GPM6A: variants seen among roughly 807,000 people sequenced by gnomAD.
GPM6A encodes neuronal membrane glycoprotein M6-a.
In GPM6A, 7 loss-of-function variants were observed where a neutral mutation model predicts 32.1. That is an observed-to-expected ratio of 0.22 (90% CI 0.12 to 0.41). The LOEUF (loss-of-function observed/expected upper bound fraction) is 0.41. GPM6A is among the 10% of genes least tolerant of loss of function. The pLI, the probability that GPM6A is intolerant of heterozygous loss-of-function variation, is 1.00. For missense variants in GPM6A, 235 were observed against 347.2 expected (o/e 0.68, Z 2.57); for synonymous variants, 130 against 123.4 (o/e 1.05, Z -0.35).
At chr4:175,963,068 C>T (rs950898810) in intron 1 of GPM6A, among the ~76,000 whole-genome samples, 3 of 148,178 alleles carry the variant, frequency 2.0e-5, no homozygotes, top group African/African-American at 7.5e-5. Context: ...TAGAGGCAAG[C>T]AAAAACTCAG....
At chr4:175,696,909 A>C (rs1348882244) in intron 2 of GPM6A, among the ~76,000 whole-genome samples, 1 of 152,174 alleles carries the variant, frequency 6.6e-6, no homozygotes, top group Non-Finnish European at 1.5e-5. Flanking sequence ...AGTTGAGAAC[A>C]AAATCTATAT....
At chr4:175,987,550 GTGTT>G (rs1354762106) in intron 1 of GPM6A, among the ~76,000 whole-genome samples, 151 of 151,904 alleles carry the variant, frequency 9.9e-4, no homozygotes, top group African/African-American at 3.5e-3. Context: ...GTGTGTGTGT[GTGTT>G]TGTCTTTATA....
At chr4:175,964,636 G>T (rs1740277231) in intron 1 of GPM6A, among the ~76,000 whole-genome samples, 1 of 152,064 alleles carries the variant, frequency 6.6e-6, no homozygotes. Flanking sequence ...AGTCATATTG[G>T]ATTAGGGCCA....
intron 3 of GPM6A, among the ~76,000 whole-genome samples, chr4:175,661,020 C>G (rs1186697995): frequency 6.6e-6 from 1 of 152,096 alleles, no homozygotes; most frequent in East Asian, 1.9e-4. Context: ...GATTTACATG[C>G]AAACCCTGAA....
intron 1 of GPM6A, among the ~76,000 whole-genome samples, chr4:175,773,256 A>G (rs1369352773): frequency 6.6e-6 from 1 of 152,236 alleles, no homozygotes. Context: ...TCATGGAGTA[A>G]GATCGGCATA....
At chr4:175,672,636 A>C (rs567492506) in intron 3 of GPM6A, among the ~76,000 whole-genome samples, 1 of 152,336 alleles carries the variant, frequency 6.6e-6, no homozygotes, top group East Asian at 1.9e-4. Context: ...TAATTTCAAT[A>C]ATAAGGCACA....
rs1353753791 is a variant in GPM6A, at chr4:175,704,888, CTG to C, written c.38-3123_38-3122del. Among the ~76,000 whole-genome samples, 4 of 152,162 alleles carry C rather than the reference CTG, an allele frequency of 2.6e-5. No homozygotes were observed. In the South Asian group the frequency reaches 6.2e-4, roughly 24 times the overall value. On this transcript the variant is annotated intron_variant, in intron 1 of 6. Coordinates refer to ENST00000393658, the MANE Select transcript of GPM6A (RefSeq NM_201591.3). The stretch of plus-strand genomic sequence containing the variant: ...GGATCCTAGAGCCTAAAGTTAATAA[CTG>C]AGCAAAGACAAAATCAGAATCAGGA...
At chr4:175,902,968 T>C (rs1179545936) in intron 1 of GPM6A, among the ~76,000 whole-genome samples, 2 of 152,078 alleles carry the variant, frequency 1.3e-5, no homozygotes, top group Admixed American at 6.6e-5. Flanking sequence ...TAAAGATATC[T>C]AAATATGTAC....
chr4:175,732,053 G>A (rs2111144283), intron 1 of GPM6A, among the ~76,000 whole-genome samples: 1 of 145,746 alleles, frequency 6.9e-6, no homozygotes, highest in African/African-American at 2.5e-5. Context: ...TGCAAACTCT[G>A]CCTCCTGGGT....
chr4:175,898,241 C>A (rs866580853), intron 1 of GPM6A, among the ~76,000 whole-genome samples: 1 of 152,140 alleles, frequency 6.6e-6, no homozygotes, highest in Non-Finnish European at 1.5e-5. Context: ...CATTCCTCTG[C>A]CTATATCACT....
In GPM6A at chr4:175,944,031, G is replaced by C. The variant is rs1468669500; in HGVS notation, c.-23+58278C>G. Among the ~76,000 whole-genome samples, 4 of 152,072 alleles carry C rather than the reference G, an allele frequency of 2.6e-5. No homozygotes were observed. The East Asian group carries it at 7.7e-4, about 29-fold the overall frequency. On this transcript the variant is annotated intron_variant, in intron 1 of 7. Transcript: ENST00000280187. Reference sequence around the variant, plus strand: ...GTCCTGGGCTTTTTTTGGTTGGCAGGCTATTAATTACTGCCTCAATTTCAG... The same window carrying C: ...GTCCTGGGCTTTTTTTGGTTGGCAGCCTATTAATTACTGCCTCAATTTCAG...
intron 1 of GPM6A, among the ~76,000 whole-genome samples, chr4:175,847,276 G>C (rs548308033): frequency 7.2e-5 from 11 of 152,264 alleles, no homozygotes; most frequent in African/African-American, 2.6e-4. Flanking sequence ...TCAGAGTACA[G>C]TAATTTCACT....
intron 1 of GPM6A, among the ~76,000 whole-genome samples, chr4:175,899,311 T>G (rs1737883848): frequency 1.3e-5 from 2 of 152,072 alleles, no homozygotes; most frequent in African/African-American, 4.8e-5. Context: ...AAACAATTTT[T>G]TAAATGAAAA....
intron 1 of GPM6A, among the ~76,000 whole-genome samples, chr4:175,948,131 G>A (rs993250342): frequency 1.3e-5 from 2 of 152,162 alleles, no homozygotes; most frequent in Non-Finnish European, 2.9e-5. Flanking sequence ...AAGTGCTACA[G>A]AGAGGACATG....
chr4:175,886,798 C>T (rs1737474525), intron 1 of GPM6A, among the ~76,000 whole-genome samples: 1 of 151,162 alleles, frequency 6.6e-6, no homozygotes, highest in African/African-American at 2.4e-5. Flanking sequence ...GCCAAATTCT[C>T]AGAAATCTAA....
At chr4:175,941,559 C>T (rs1050642159) in intron 1 of GPM6A, among the ~76,000 whole-genome samples, 5 of 152,292 alleles carry the variant, frequency 3.3e-5, no homozygotes, top group African/African-American at 1.2e-4. Context: ...CCTCCCGCAA[C>T]AGGCCCTGGT....
At chr4:175,671,901 GC>G (rs1173890689) in intron 3 of GPM6A, among the ~76,000 whole-genome samples, 1 of 120,858 alleles carries the variant, frequency 8.3e-6, no homozygotes, top group Non-Finnish European at 2.0e-5. Flanking sequence ...CTGCTGCATT[GC>G]CTCTGGAGGA....
intron 1 of GPM6A, among the ~76,000 whole-genome samples, chr4:175,840,275 A>G (rs534331576): frequency 1.3e-5 from 2 of 152,344 alleles, no homozygotes; most frequent in Non-Finnish European, 2.9e-5. Context: ...GTTAGAAAAA[A>G]GGGGAAATGT....
intron 4 of GPM6A, among the ~76,000 whole-genome samples, chr4:175,650,425 C>A (rs1341379196): frequency 6.6e-6 from 1 of 152,024 alleles, no homozygotes; most frequent in Admixed American, 6.6e-5. Context: ...CTGCCTCAGC[C>A]TCCCACGTAG....
Sources: gnomAD v4.1 joint callset for allele counts (sites outside exome capture counted in the v4.1 genomes callset) on GRCh38, gnomAD v4.1.1 for gene constraint, MANE v1.5 for transcripts, NCBI Gene and HGNC (gene_info 2026-07-23, HGNC 2026-07-21) for gene names.